The following TNS3 variants were observed in gnomAD, a reference collection of about 807,000 sequenced individuals.
The protein encoded by TNS3 is tensin 3, also known as tensin-3.
In TNS3, 45 loss-of-function variants were observed where a neutral mutation model predicts 140.9. The ratio of observed to expected loss-of-function variants is 0.32; its 90% CI spans 0.25 to 0.41. The LOEUF is 0.41. Among genes scored for constraint, TNS3 ranks in the 10% least tolerant of loss-of-function variants. TNS3 has a pLI of 1.00. For missense variants in TNS3, 1,716 were observed against 1,906.7 expected, an observed-to-expected ratio of 0.90 and a Z score of 1.86; for synonymous variants, 815 against 788.4, an observed-to-expected ratio of 1.03 and a Z score of -0.56.
chr7:47,280,404 G>C (rs769772671), intron 28 of TNS3, 50 bp from the exon 29 acceptor site: 15 of 1,563,726 alleles, frequency 9.6e-6, no homozygotes, highest in Non-Finnish European at 1.2e-5. Context: ...AGGGCTTTTG[G>C]GTGATGGGGG....
intron 4 of TNS3, among the ~76,000 whole-genome samples, chr7:47,480,433 A>G (rs962173129): frequency 9.8e-5 from 15 of 152,310 alleles, no homozygotes; most frequent in African/African-American, 3.6e-4. Flanking sequence ...AGGGTCCTGT[A>G]TCCTACTGTC....
Position 47,278,362 on chromosome 7 carries a change from G to A in TNS3, c.4194-142C>T, listed in dbSNP as rs996381229. The A allele has an allele frequency of 3.3e-6, 3 of 921,554 alleles. No homozygotes were observed. In the Admixed American group the frequency reaches 8.4e-5, roughly 26 times the overall value. 57.1% of individuals were successfully genotyped at this position (921,554 alleles called of 1,614,324 possible). A position where few individuals can be genotyped will look rare whatever the true frequency, so the allele number is the denominator to read the frequency against. ...CAACCACGTGCCCAGCACCCTGCTG[G>A]CCACCTGTTCATGCACTTTACCTCC... On this transcript the variant is annotated intron_variant, in intron 30 of 30. Coordinates refer to ENST00000311160, the MANE Select transcript of TNS3 (RefSeq NM_022748.12).
rs67341898 is a variant in TNS3 at position 47,437,745 on chromosome 7, T to TACACACACAC, written c.151-442_151-433dup. Among the ~76,000 whole-genome samples the TACACACACAC allele has an allele frequency of 1.0e-3, 136 of 135,802 alleles. 1 individual carries two copies. In the South Asian group the frequency reaches 0.01, roughly 10 times the overall value. The allele number at this position is 135,802 out of a possible 152,430, so 89.1% of individuals were successfully genotyped here. ...CTACAAAATATCCCAACATATAGGA[T>TACACACACAC]ACACACACACACACACACACACACA... is the stretch of plus-strand genomic sequence containing the variant. On this transcript the variant is annotated intron_variant, in intron 6 of 30. Coordinates refer to ENST00000311160, the MANE Select transcript of TNS3 (RefSeq NM_022748.12).
intron 10 of TNS3, among the ~76,000 whole-genome samples, chr7:47,423,018 GT>G (rs1442553656): frequency 6.6e-6 from 1 of 152,126 alleles, no homozygotes; most frequent in Admixed American, 6.5e-5. Flanking sequence ...AACACACCCG[GT>G]TTCAAGAGAA....
chr7:47,284,570 T>G (rs1416251393), intron 27 of TNS3, among the ~76,000 whole-genome samples: 2 of 152,202 alleles, frequency 1.3e-5, no homozygotes, highest in Non-Finnish European at 2.9e-5. Context: ...ACGTGTGACT[T>G]TGGGGCATGG....
chr7:47,518,265 CCT>C (rs1798845479), intron 2 of TNS3, among the ~76,000 whole-genome samples: 1 of 152,176 alleles, frequency 6.6e-6, no homozygotes, highest in South Asian at 2.1e-4. Context: ...ACAGAGCAGC[CCT>C]CTCTGTGCGC....
At chr7:47,488,871 G>C (rs918971869) in intron 3 of TNS3, among the ~76,000 whole-genome samples, 4 of 152,216 alleles carry the variant, frequency 2.6e-5, no homozygotes, top group African/African-American at 9.6e-5. Flanking sequence ...TGGTGCCTGG[G>C]GACAGGGGGC....
chr7:47,319,210 G>C (rs1443903218), intron 20 of TNS3, among the ~76,000 whole-genome samples: 3 of 152,148 alleles, frequency 2.0e-5, no homozygotes, highest in Non-Finnish European at 4.4e-5. Context: ...GGTTCTGAAG[G>C]CTGTAGAAAA....
intron 21 of TNS3, 64 bp from the exon 22 acceptor site, chr7:47,303,648 A>G: frequency 6.7e-7 from 1 of 1,486,300 alleles, no homozygotes; most frequent in Non-Finnish European, 8.9e-7. Flanking sequence ...GAAGACCAGC[A>G]AGCGTCACCC....
chr7:47,564,478 A>T (rs899969188), intron 1 of TNS3, among the ~76,000 whole-genome samples: 8 of 151,694 alleles, frequency 5.3e-5, no homozygotes, highest in Non-Finnish European at 1.0e-4. Context: ...TCTACTAAAA[A>T]TACAAAAATT....
At chr7:47,539,139 G>A (rs1430700997) in intron 1 of TNS3, 1 of 456,610 alleles carries the variant, frequency 2.2e-6, no homozygotes, top group Non-Finnish European at 4.4e-6. Flanking sequence ...GCCCCCAGCA[G>A]GATAAAACTC....
At chr7:47,548,698 AC>A (rs1799985320) in intron 1 of TNS3, among the ~76,000 whole-genome samples, 1 of 151,362 alleles carries the variant, frequency 6.6e-6, no homozygotes, top group African/African-American at 2.4e-5. Context: ...CTGTGAATGC[AC>A]CCCCAGGCCG....
At chr7:47,544,109 G>A (rs1345357130) in intron 1 of TNS3, among the ~76,000 whole-genome samples, 1 of 152,238 alleles carries the variant, frequency 6.6e-6, no homozygotes, top group Non-Finnish European at 1.5e-5. Flanking sequence ...GCAAAAGAAA[G>A]TGTTAAATTA....
intron 4 of TNS3, among the ~76,000 whole-genome samples, chr7:47,443,807 G>A (rs1051652022): frequency 3.3e-5 from 5 of 152,168 alleles, no homozygotes; most frequent in Non-Finnish European, 5.9e-5. Flanking sequence ...TGTAATCCTA[G>A]CTACTCGGGA....
chr7:47,511,277 C>T (rs1196986680), intron 2 of TNS3, among the ~76,000 whole-genome samples: 1 of 152,064 alleles, frequency 6.6e-6, no homozygotes, highest in Admixed American at 6.6e-5. Flanking sequence ...GTTTATGGGG[C>T]TAGATTGTCT....
At chr7:47,414,879 G>A (rs189114198) in intron 11 of TNS3, among the ~76,000 whole-genome samples, 12 of 152,286 alleles carry the variant, frequency 7.9e-5, no homozygotes, top group Admixed American at 3.9e-4. Context: ...CTTGCTGGCC[G>A]CCAGTCCCTC....
At chr7:47,489,435 T>G (rs1368282305) in intron 3 of TNS3, among the ~76,000 whole-genome samples, 2 of 152,090 alleles carry the variant, frequency 1.3e-5, no homozygotes, top group African/African-American at 2.4e-5. Context: ...ATCTAATAAT[T>G]TTTAGACAAA....
intron 4 of TNS3, among the ~76,000 whole-genome samples, chr7:47,480,268 AC>A (rs1397075836): frequency 6.6e-6 from 1 of 152,210 alleles, no homozygotes. Flanking sequence ...AGTACAGGGA[AC>A]AACACACCTG....
rs1411305993 is a variant in TNS3, at chr7:47,276,485, TG to T, written c.*1590del. On this transcript the variant is annotated 3_prime_UTR_variant, in exon 31 of 31. Transcript: ENST00000311160. ...TTGTGACACCAGTGTGGCCTAAGAATGGGGGATTTGACTTTTGAAAGCAGAG... is the reference window on the plus strand; with the variant it reads ...TTGTGACACCAGTGTGGCCTAAGAATGGGGATTTGACTTTTGAAAGCAGAG... 6.6e-6 allele frequency: 1 copy of T among 152,198 alleles called. No individual in the cohort carries two copies. Among genetic ancestry groups the T allele is most frequent in the Non-Finnish European group, 1.5e-5 (1 of 68,102 alleles). The allele number at this position is 152,198 out of a possible 1,614,324, so 9.4% of individuals were successfully genotyped here.
Sources: gnomAD v4.1 joint callset for allele counts (sites outside exome capture counted in the v4.1 genomes callset) on GRCh38, gnomAD v4.1.1 for gene constraint, MANE v1.5 for transcripts, NCBI Gene and HGNC (gene_info 2026-07-23, HGNC 2026-07-21) for gene names.